The following DNAH7 variants were observed in gnomAD, a reference collection of about 807,000 sequenced individuals.
DNAH7 encodes the protein dynein axonemal heavy chain 7.
A neutral mutation model predicts 444.6 loss-of-function variants in DNAH7; 397 were observed. The ratio of observed to expected loss-of-function variants is 0.89; its 90% confidence interval spans 0.82 to 0.97. The LOEUF (loss-of-function observed/expected upper bound fraction) is 0.97, where lower values mean the gene tolerates loss of function less well. Ranked by LOEUF, DNAH7 falls within the 50% of genes least tolerant of loss-of-function variation. The pLI is 0.00. For synonymous variants in DNAH7, 1,636 were observed against 1,624.4 expected (o/e 1.01, Z -0.17); for missense variants, 4,902 against 4,800.8 (o/e 1.02, Z -0.62).
intron 48 of DNAH7, among the ~76,000 whole-genome samples, chr2:195,826,510 C>G (rs923937992): frequency 6.6e-6 from 1 of 152,204 alleles, no homozygotes; most frequent in African/African-American, 2.4e-5. Flanking sequence ...TCGTCGCTCT[C>G]TTAACCACTA....
At chr2:195,854,229 T>A (rs1699565079) in intron 45 of DNAH7, among the ~76,000 whole-genome samples, 1 of 152,218 alleles carries the variant, frequency 6.6e-6, no homozygotes, top group Admixed American at 6.5e-5. Context: ...TTGATTAAAT[T>A]TTTAAGTACC....
At position 195,858,780 on chromosome 2, in the gene DNAH7, T is replaced by A; in HGVS notation, c.7761A>T (p.Arg2587Ser). Residue 2587 changes from arginine (R) to serine (S), a missense_variant, in exon 43 of 65, where the codon AGA becomes AGT. Arg to Ser is a moderately radical substitution (Grantham distance 110, BLOSUM62 -1). Coordinates refer to ENST00000312428, the MANE Select transcript of DNAH7 (RefSeq NM_018897.3). ...KRSEVMKMKK[R>S]YEVGLEKLDS... ...CCAGTTTCTCCAAACCCACTTCATATCTCTTTTTCATTTTCATTACTTCAC... is the reference window on the plus strand; with the variant it reads ...CCAGTTTCTCCAAACCCACTTCATAACTCTTTTTCATTTTCATTACTTCAC... The A allele has an allele frequency of 1.2e-6, 2 of 1,608,372 alleles. No homozygotes were observed. Among genetic ancestry groups the A allele is most frequent in the South Asian group, 2.2e-5 (2 of 90,310 alleles).
chr2:196,018,166 ATAAC>A (rs1215412249), intron 9 of DNAH7, among the ~76,000 whole-genome samples: 1 of 152,188 alleles, frequency 6.6e-6, no homozygotes, highest in Non-Finnish European at 1.5e-5. Context: ...TCAAATTCAA[ATAAC>A]TAACAAACAC....
chr2:195,844,508 T>G (rs1432178619), intron 47 of DNAH7, among the ~76,000 whole-genome samples: 2 of 151,956 alleles, frequency 1.3e-5, no homozygotes, highest in African/African-American at 4.8e-5. Flanking sequence ...ACTACACAGG[T>G]TTTCTCTACT....
At chr2:196,027,891 A>G (rs1695788874) in intron 6 of DNAH7, 69 bp downstream of exon 6, 2 of 1,457,716 alleles carry the variant, frequency 1.4e-6, no homozygotes. Flanking sequence ...AGTGGTCTCC[A>G]AAGTATAAAA....
chr2:195,897,877 A>C, intron 28 of DNAH7, 112 bp from the exon 29 acceptor site: 1 of 498,198 alleles, frequency 2.0e-6, no homozygotes, highest in Non-Finnish European at 3.6e-6. Flanking sequence ...GTTTAAACAA[A>C]TGCAGCTCTT....
intron 4 of DNAH7, 39 bp from the exon 5 acceptor site, chr2:196,047,538 T>G: frequency 6.7e-7 from 1 of 1,492,116 alleles, no homozygotes; most frequent in East Asian, 2.4e-5. Context: ...ATTATTCATC[T>G]AAAAGGTAAG....
chr2:195,858,403 G>A (rs972549338), intron 43 of DNAH7, 71 bp downstream of exon 43: 5 of 1,293,512 alleles, frequency 3.9e-6, no homozygotes, highest in South Asian at 1.7e-5. Flanking sequence ...AACTAGACTA[G>A]AACACAATGC....
At chr2:195,856,359 T>C (rs1462288) in intron 44 of DNAH7, among the ~76,000 whole-genome samples, 33,477 of 152,018 alleles carry the variant, frequency 0.22, 4,992 homozygotes, top group African/African-American at 0.42. Flanking sequence ...GTCATTTTAC[T>C]TAAAAAAATC....
chr2:195,926,995 T>C (rs1688374711), intron 21 of DNAH7, among the ~76,000 whole-genome samples: 1 of 152,150 alleles, frequency 6.6e-6, no homozygotes, highest in Admixed American at 6.6e-5. Flanking sequence ...CATATGCCTG[T>C]ACACATGCAC....
At chr2:196,013,002 G>T (rs999332378) in intron 9 of DNAH7, 96 bp from the exon 10 acceptor site, 1 of 844,186 alleles carries the variant, frequency 1.2e-6, no homozygotes, top group Non-Finnish European at 1.7e-6. Context: ...CATATTCCTA[G>T]GTTTAATCAT....
intron 9 of DNAH7, among the ~76,000 whole-genome samples, chr2:196,018,313 C>T (rs1204738245): frequency 6.6e-6 from 1 of 151,962 alleles, no homozygotes; most frequent in African/African-American, 2.4e-5. Context: ...TTCTCATTTA[C>T]TGTTGGTAAA....
chr2:195,747,107 C>A (rs1008935502), intron 63 of DNAH7, among the ~76,000 whole-genome samples: 1 of 151,816 alleles, frequency 6.6e-6, no homozygotes, highest in Non-Finnish European at 1.5e-5. Context: ...GCTAGCAAGA[C>A]TAATAAAGAA....
chr2:195,804,842 C>T (rs1273607709), intron 54 of DNAH7, among the ~76,000 whole-genome samples: 1 of 150,636 alleles, frequency 6.6e-6, no homozygotes, highest in Non-Finnish European at 1.5e-5. Flanking sequence ...ACATATCTAT[C>T]TATCTATCCA....
intron 19 of DNAH7, among the ~76,000 whole-genome samples, chr2:195,942,274 G>A (rs1229948520): frequency 6.6e-6 from 1 of 152,012 alleles, no homozygotes; most frequent in Non-Finnish European, 1.5e-5. Context: ...GATATTTAGA[G>A]GTAGCACATT....
At chr2:195,762,684 A>G (rs1694402226) in intron 61 of DNAH7, among the ~76,000 whole-genome samples, 1 of 152,198 alleles carries the variant, frequency 6.6e-6, no homozygotes, top group African/African-American at 2.4e-5. Flanking sequence ...GGATATAACA[A>G]TTTTAAATAC....
At chr2:195,930,572 T>A (rs1688623440) in intron 21 of DNAH7, among the ~76,000 whole-genome samples, 1 of 152,186 alleles carries the variant, frequency 6.6e-6, no homozygotes, top group Non-Finnish European at 1.5e-5. Context: ...TATACACTAT[T>A]GGTGGGATTG....
Position 196,068,697 on chromosome 2 carries a change from C to G in DNAH7, c.15G>C (p.Gln5His), listed in dbSNP as rs1239495137. Reference protein sequence around the residue: MSSEQDKSASKEKSK... With the variant: MSSEHDKSASKEKSK... ...GCCTGGCAAAGAGCAGCCCTCTCAC[C>G]TGCTCACTGCTCATGGCTGCGAGGA... The change falls in exon 1 of 65, where the codon CAG (glutamine) becomes CAC (histidine). Residue 5 changes from glutamine (Q) to histidine (H), a missense_variant and splice_region_variant. Gln to His is a conservative substitution (Grantham distance 24). Coordinates refer to ENST00000312428, the MANE Select transcript of DNAH7 (RefSeq NM_018897.3). The G allele has an allele frequency of 3.2e-6, 5 of 1,551,408 alleles. No individual in the cohort carries two copies. Among genetic ancestry groups the G allele is most frequent in the Non-Finnish European group, 4.4e-6 (5 of 1,147,300 alleles).
chr2:195,812,962 A>G (rs1011318238), intron 51 of DNAH7, among the ~76,000 whole-genome samples: 3 of 152,232 alleles, frequency 2.0e-5, no homozygotes, highest in Non-Finnish European at 4.4e-5. Flanking sequence ...AAAAAGATTA[A>G]ATAGGACTGA....
Sources: gnomAD v4.1 joint callset for allele counts (sites outside exome capture counted in the v4.1 genomes callset) on GRCh38, gnomAD v4.1.1 for gene constraint, MANE v1.5 for transcripts, NCBI Gene and HGNC (gene_info 2026-07-23, HGNC 2026-07-21) for gene names.